The following ADAMTS20 variants were observed in gnomAD, a reference collection of about 807,000 sequenced individuals.
The protein encoded by ADAMTS20 is A disintegrin and metalloproteinase with thrombospondin motifs 20.
In ADAMTS20, 225 loss-of-function variants were observed where a neutral mutation model predicts 260.1. The observed-to-expected ratio is 0.87, with a 90% CI of 0.78 to 0.97. The LOEUF (loss-of-function observed/expected upper bound fraction) is 0.97, where lower values mean the gene tolerates loss of function less well. Among genes scored for constraint, ADAMTS20 ranks in the 50% least tolerant of loss-of-function variants. The pLI is 0.00. For missense variants in ADAMTS20, 2,400 were observed against 2,337.7 expected (o/e 1.03, Z -0.55); for synonymous variants, 802 against 769.5 (o/e 1.04, Z -0.70).
chr12:43,449,761 C>T (rs549383007), intron 14 of ADAMTS20, among the ~76,000 whole-genome samples: 1 of 152,192 alleles, frequency 6.6e-6, no homozygotes, highest in African/African-American at 2.4e-5. Context: ...AAAATATATA[C>T]TCATCTAGTT....
intron 6 of ADAMTS20, among the ~76,000 whole-genome samples, 152 bp from the exon 7 acceptor site, chr12:43,490,587 C>T (rs74761154): frequency 6.6e-6 from 1 of 152,048 alleles, no homozygotes; most frequent in Non-Finnish European, 1.5e-5. Context: ...AAGTCTAAAC[C>T]TAGAGTAATG....
At chr12:43,550,332 C>A (rs1833680101) in intron 2 of ADAMTS20, among the ~76,000 whole-genome samples, 2 of 152,144 alleles carry the variant, frequency 1.3e-5, no homozygotes, top group African/African-American at 4.8e-5. Context: ...ACCAATAGAT[C>A]TCTGTAGGTA....
chr12:43,425,554 C>T lies in ADAMTS20; in HGVS notation c.4244G>A (p.Cys1415Tyr), dbSNP rs1297880210. The T allele has an allele frequency of 6.3e-7, 1 of 1,582,636 alleles. No homozygotes were observed. The highest frequency in any genetic ancestry group is 1.7e-5 in the Admixed American group (1 of 57,858). The change falls in exon 28 of 39, where the codon TGC becomes TAC. Residue 1415 changes from cysteine to tyrosine, a missense_variant. Transcript: ENST00000389420. Reference sequence around the variant, plus strand: ...CTGATGCCATGACACATCAGCAGGGCAAGCATGCATATGACACTGTATTAC... The same window carrying T: ...CTGATGCCATGACACATCAGCAGGGTAAGCATGCATATGACACTGTATTAC... ...PSVIQCHMHA[C>Y]PADVSWHQEP... is the part of the protein sequence containing the mutation.
At chr12:43,405,301 C>T (rs1317247314) in intron 28 of ADAMTS20, among the ~76,000 whole-genome samples, 2 of 145,112 alleles carry the variant, frequency 1.4e-5, no homozygotes. Context: ...ATCTGTGGTC[C>T]CAGCTACTTG....
chr12:43,431,580 A>G, intron 21 of ADAMTS20, 84 bp from the exon 22 acceptor site: 8 of 1,464,684 alleles, frequency 5.5e-6, no homozygotes, highest in Non-Finnish European at 7.6e-6. Context: ...CAATTTGCAT[A>G]TAGAAATACA....
intron 37 of ADAMTS20, among the ~76,000 whole-genome samples, chr12:43,357,833 A>T (rs1197756644): frequency 1.3e-5 from 2 of 152,190 alleles, no homozygotes; most frequent in Non-Finnish European, 2.9e-5. Flanking sequence ...ATAAAAGTAA[A>T]TACACAAATA....
chr12:43,368,527 A>G (rs2137197808), intron 37 of ADAMTS20, among the ~76,000 whole-genome samples: 1 of 152,248 alleles, frequency 6.6e-6, no homozygotes, highest in South Asian at 2.1e-4. Context: ...TATAAATGGA[A>G]TAGTCTAAGA....
rs561380909 is a variant in ADAMTS20, at chr12:43,501,688, A to G, written c.867+464T>C. On this transcript the variant is annotated intron_variant, in intron 4 of 38. Transcript: ENST00000389420. ...AGGACTGTTGCATTAGTAATAATCTATCCCTTTAACGCCATAAATACATGT... is the reference window on the plus strand; with the variant it reads ...AGGACTGTTGCATTAGTAATAATCTGTCCCTTTAACGCCATAAATACATGT... Among the ~76,000 whole-genome samples the G allele has an allele frequency of 4.6e-5, 7 of 152,246 alleles. No homozygotes were observed. The South Asian group carries it at 8.3e-4, about 18-fold the overall frequency.
At chr12:43,490,291 CAAAATTACTA>C in intron 7 of ADAMTS20, 94 bp downstream of exon 7, 1 of 604,560 alleles carries the variant, frequency 1.7e-6, no homozygotes, top group Admixed American at 4.5e-5. Flanking sequence ...GATAATTAAT[CAAAATTACTA>C]AAATGTAAAA....
chr12:43,376,892 A>T (rs368911223), intron 32 of ADAMTS20, among the ~76,000 whole-genome samples: 108 of 152,358 alleles, frequency 7.1e-4, no homozygotes, highest in African/African-American at 2.6e-3. Context: ...CATTTTGTGC[A>T]GTTAGCAACA....
intron 29 of ADAMTS20, among the ~76,000 whole-genome samples, chr12:43,394,533 T>TAA (rs1255630029): frequency 6.6e-6 from 1 of 152,076 alleles, no homozygotes; most frequent in Non-Finnish European, 1.5e-5. Flanking sequence ...TCTATATATA[T>TAA]AATATTTCAC....
intron 2 of ADAMTS20, among the ~76,000 whole-genome samples, chr12:43,544,896 G>A (rs1943422736): frequency 6.6e-6 from 1 of 152,134 alleles, no homozygotes; most frequent in South Asian, 2.1e-4. Flanking sequence ...CAGCACTACG[G>A]ACAGCTTGAT....
At chr12:43,460,988 ATTTTTT>A (rs1161740021) in intron 11 of ADAMTS20, among the ~76,000 whole-genome samples, 12 of 26,392 alleles carry the variant, frequency 4.5e-4, no homozygotes, top group African/African-American at 1.2e-3. Flanking sequence ...ATATATATAT[ATTTTTT>A]TTTTTTTTTT....
chr12:43,528,641 T>C (rs1240701757), intron 3 of ADAMTS20, among the ~76,000 whole-genome samples: 1 of 152,038 alleles, frequency 6.6e-6, no homozygotes, highest in South Asian at 2.1e-4. Flanking sequence ...TCTCTCCCCT[T>C]GTACAAAAAT....
chr12:43,404,287 C>T (rs990329546), intron 28 of ADAMTS20, among the ~76,000 whole-genome samples: 23 of 151,474 alleles, frequency 1.5e-4, no homozygotes, highest in African/African-American at 5.1e-4. Context: ...CTTTCTTTTA[C>T]AAGGAGGAAA....
At position 43,429,734 on chromosome 12, in the gene ADAMTS20, A is replaced by G; in HGVS notation, c.3382-10T>C. 1 of 1,517,678 alleles carries G rather than the reference A, an allele frequency of 6.6e-7. No homozygotes were observed. Among genetic ancestry groups the G allele is most frequent in the Non-Finnish European group, 8.9e-7 (1 of 1,126,824 alleles). The allele number at this position is 1,517,678 out of a possible 1,614,324, so 94.0% of individuals were successfully genotyped here. ...GTGTAAGTACACAGCTCTGTTCAGA[A>G]GAAAAATGGTTCTCGTAAAACATTA... On this transcript the variant is annotated splice_polypyrimidine_tract_variant and intron_variant, in intron 23 of 38. Coordinates refer to ENST00000389420, the MANE Select transcript of ADAMTS20 (RefSeq NM_025003.5).
Position 43,430,464 on chromosome 12 carries a change from G to A in ADAMTS20, c.3269C>T (p.Thr1090Ile). The A allele has an allele frequency of 1.9e-6, 3 of 1,610,318 alleles. No homozygotes were observed. The highest frequency in any genetic ancestry group is 2.5e-6 in the Non-Finnish European group (3 of 1,178,116). ...WQVGPWGPCT[T>I]TCGHGYQMRD... Reference sequence around the variant, plus strand: ...CATCTGATACCCATGTCCACATGTGGTTGTGCACTGAAAGAAGAATATAGA... The same window carrying A: ...CATCTGATACCCATGTCCACATGTGATTGTGCACTGAAAGAAGAATATAGA... Residue 1090 changes from threonine to isoleucine, a missense_variant, in exon 23 of 39, where the codon ACC (threonine) becomes ATC (isoleucine). Physicochemically the swap from Thr to Ile is moderately conservative, Grantham distance 89. Coordinates refer to ENST00000389420, the MANE Select transcript of ADAMTS20 (RefSeq NM_025003.5).
At chr12:43,436,734 T>C (rs1044433528) in intron 18 of ADAMTS20, among the ~76,000 whole-genome samples, 1 of 152,060 alleles carries the variant, frequency 6.6e-6, no homozygotes, top group Non-Finnish European at 1.5e-5. Context: ...CTAAATAAAA[T>C]TCCCCACACT....
chr12:43,463,487 G>T (rs1942101243), intron 10 of ADAMTS20, among the ~76,000 whole-genome samples: 2 of 151,944 alleles, frequency 1.3e-5, no homozygotes. Flanking sequence ...GGTTTCGAAA[G>T]AAACAAAAGT....
Sources: gnomAD v4.1 joint callset for allele counts (sites outside exome capture counted in the v4.1 genomes callset) on GRCh38, gnomAD v4.1.1 for gene constraint, MANE v1.5 for transcripts, NCBI Gene and HGNC (gene_info 2026-07-23, HGNC 2026-07-21) for gene names.